ATRNL1: variants seen among roughly 807,000 people sequenced by gnomAD.
The protein encoded by ATRNL1 is attractin-like protein 1.
A neutral mutation model predicts 182.7 loss-of-function variants in ATRNL1; 95 were observed. The ratio of observed to expected loss-of-function variants is 0.52; its 90% CI spans 0.44 to 0.62. The LOEUF is 0.62. Ranked by LOEUF, ATRNL1 falls within the 20% of genes least tolerant of loss-of-function variation. The pLI is 0.00. For missense variants in ATRNL1, 1,471 were observed against 1,679.5 expected (o/e 0.88, Z 2.17); for synonymous variants, 576 against 568.3 (o/e 1.01, Z -0.19).
chr10:115,352,485 G>C (rs1310394948), intron 19 of ATRNL1, among the ~76,000 whole-genome samples: 1 of 151,926 alleles, frequency 6.6e-6, no homozygotes, highest in African/African-American at 2.4e-5. Flanking sequence ...ATTTTTATTT[G>C]TTTCAAGCCA....
chr10:115,366,608 T>C (rs1301285585), intron 19 of ATRNL1, among the ~76,000 whole-genome samples: 3 of 150,052 alleles, frequency 2.0e-5, no homozygotes, highest in Non-Finnish European at 4.5e-5. Context: ...AGTTTCTTCC[T>C]AGTCTCGATG....
rs188225548 is a variant in ATRNL1, at chr10:115,535,486, G to A, written c.3717-13972G>A. 3.4e-3 allele frequency among the ~76,000 whole-genome samples: 510 copies of A among 149,770 alleles called. 4 individuals carry two copies. The highest frequency in any genetic ancestry group is 0.012 in the African/African-American group (496 of 41,136). The stretch of plus-strand genomic sequence containing the variant: ...GCTCCTTTAAGCACTTCTCTGTATT[G>A]GTTATTCTAGTTATACATTAGTCTA... On this transcript the variant is annotated intron_variant, in intron 25 of 28. Transcript: ENST00000355044.
chr10:115,424,278 T>A (rs1845781281), intron 20 of ATRNL1, among the ~76,000 whole-genome samples: 1 of 151,996 alleles, frequency 6.6e-6, no homozygotes, highest in Admixed American at 6.6e-5. Context: ...GACAAAAAAA[T>A]AACAAATACT....
At chr10:115,696,609 C>T (rs1292945009) in intron 26 of ATRNL1, among the ~76,000 whole-genome samples, 1 of 152,164 alleles carries the variant, frequency 6.6e-6, no homozygotes, top group South Asian at 2.1e-4. Flanking sequence ...AATGGTTGAA[C>T]TATTTTACAC....
intron 27 of ATRNL1, among the ~76,000 whole-genome samples, chr10:115,795,818 A>C (rs746734264): frequency 6.6e-6 from 1 of 152,132 alleles, no homozygotes. Context: ...ATCACCTCCC[A>C]CCAGGCCCCA....
intron 28 of ATRNL1, among the ~76,000 whole-genome samples, chr10:115,859,306 T>G (rs1286525827): frequency 6.6e-6 from 1 of 151,996 alleles, no homozygotes; most frequent in Non-Finnish European, 1.5e-5. Context: ...AGAACCAAGG[T>G]GTCTGGATCT....
At chr10:115,768,988 CAT>C (rs2134162233) in intron 27 of ATRNL1, among the ~76,000 whole-genome samples, 1 of 151,920 alleles carries the variant, frequency 6.6e-6, no homozygotes, top group South Asian at 2.1e-4. Context: ...TAAAGGAAAA[CAT>C]ATAGACATAT....
At chr10:115,137,242 A>G (rs1845555292) in intron 5 of ATRNL1, among the ~76,000 whole-genome samples, 1 of 152,134 alleles carries the variant, frequency 6.6e-6, no homozygotes, top group South Asian at 2.1e-4. Flanking sequence ...CAACAGAAAC[A>G]ATCTGGCTTA....
chr10:115,120,077 G>C (rs1392280167), intron 1 of ATRNL1, 108 bp from the exon 2 acceptor site: 4 of 643,518 alleles, frequency 6.2e-6, no homozygotes, highest in Non-Finnish European at 8.0e-6. Flanking sequence ...TTTGAAAATT[G>C]TTATGTCCCG....
At chr10:115,680,801 C>G (rs934778640) in intron 26 of ATRNL1, among the ~76,000 whole-genome samples, 6 of 152,044 alleles carry the variant, frequency 3.9e-5, no homozygotes, top group African/African-American at 1.4e-4. Context: ...AGCAAGTGGA[C>G]TATAGAAAAC....
At chr10:115,118,354 C>T (rs941370789) in intron 1 of ATRNL1, among the ~76,000 whole-genome samples, 2 of 151,974 alleles carry the variant, frequency 1.3e-5, no homozygotes, top group African/African-American at 2.4e-5. Flanking sequence ...TTATGCTAGA[C>T]ATTTTATTTG....
intron 26 of ATRNL1, among the ~76,000 whole-genome samples, chr10:115,679,881 G>T (rs771424183): frequency 6.6e-6 from 1 of 151,932 alleles, no homozygotes; most frequent in Non-Finnish European, 1.5e-5. Flanking sequence ...TTTGATTAAA[G>T]GTCTTTCCTT....
intron 26 of ATRNL1, among the ~76,000 whole-genome samples, chr10:115,573,067 T>C (rs938633533): frequency 2.6e-5 from 4 of 152,184 alleles, no homozygotes; most frequent in African/African-American, 9.7e-5. Flanking sequence ...TTCTGCCTTA[T>C]TGCAAGGGTA....
rs1183053039 is a variant in ATRNL1 at position 115,818,184 on chromosome 10, C to T, written c.3904-29693C>T. Among the ~76,000 whole-genome samples the T allele has an allele frequency of 6.3e-5, 6 of 95,488 alleles. No individual in the cohort carries two copies. The South Asian group carries it at 9.6e-4, about 15-fold the overall frequency. The allele number at this position is 95,488 out of a possible 152,430, so 62.6% of individuals were successfully genotyped here. ...CTAAAGTCCAGGGTTTATTTGATTC[C>T]GTTTTTTTTTTTTTTTTGGACAGTC... is the stretch of plus-strand genomic sequence containing the variant. On this transcript the variant is annotated intron_variant, in intron 27 of 28. Transcript: ENST00000355044.
At chr10:115,731,857 A>G (rs1947809671) in intron 27 of ATRNL1, among the ~76,000 whole-genome samples, 1 of 144,080 alleles carries the variant, frequency 6.9e-6, no homozygotes, top group Non-Finnish European at 1.5e-5. Context: ...GCAACGATTA[A>G]TCTACCATCT....
chr10:115,588,610 G>A (rs1461754383), intron 26 of ATRNL1, among the ~76,000 whole-genome samples: 2 of 152,180 alleles, frequency 1.3e-5, no homozygotes, highest in Admixed American at 1.3e-4. Flanking sequence ...TGCTACTCAT[G>A]GAAAAGCTGG....
intron 22 of ATRNL1, among the ~76,000 whole-genome samples, chr10:115,466,774 T>A (rs552938545): frequency 6.6e-6 from 1 of 151,308 alleles, no homozygotes; most frequent in East Asian, 1.9e-4. Flanking sequence ...AAAAAAATAA[T>A]CTTATATTGT....
chr10:115,587,523 C>T (rs1379212526), intron 26 of ATRNL1, among the ~76,000 whole-genome samples: 2 of 151,324 alleles, frequency 1.3e-5, no homozygotes, highest in Admixed American at 6.6e-5. Context: ...CCCGATTTTC[C>T]AGGTGCCATC....
intron 26 of ATRNL1, among the ~76,000 whole-genome samples, chr10:115,679,283 A>G (rs1310449498): frequency 6.6e-6 from 1 of 151,734 alleles, no homozygotes. Context: ...TAAGTCTTGA[A>G]CAGTACTAGT....
Sources: gnomAD v4.1 joint callset for allele counts (sites outside exome capture counted in the v4.1 genomes callset) on GRCh38, gnomAD v4.1.1 for gene constraint, MANE v1.5 for transcripts, NCBI Gene and HGNC (gene_info 2026-07-23, HGNC 2026-07-21) for gene names.